SMYD2: variants seen among roughly 807,000 people sequenced by gnomAD.
SMYD2 encodes the protein N-lysine methyltransferase SMYD2.
Under a neutral mutation model 59.1 loss-of-function variants are expected in SMYD2, and 53 were observed. The observed-to-expected ratio is 0.90, with a 90% CI of 0.72 to 1.13. The LOEUF (loss-of-function observed/expected upper bound fraction) is 1.13. Ranked by LOEUF, SMYD2 falls within the 50% of genes most tolerant of loss-of-function variation. SMYD2 has a pLI of 0.00. For missense variants in SMYD2, 494 were observed against 544.7 expected (o/e 0.91, Z 0.93); for synonymous variants, 208 against 198.8 (o/e 1.05, Z -0.39).
chr1:214,328,428 C>T (rs1164451071), intron 7 of SMYD2, among the ~76,000 whole-genome samples: 1 of 151,494 alleles, frequency 6.6e-6, no homozygotes, highest in Admixed American at 6.6e-5. Flanking sequence ...ACCTGCTCAG[C>T]GATTCCCTGT....
At chr1:214,297,929 C>T (rs957047056) in intron 1 of SMYD2, among the ~76,000 whole-genome samples, 1 of 152,018 alleles carries the variant, frequency 6.6e-6, no homozygotes, top group African/African-American at 2.4e-5. Flanking sequence ...AAAAACATTC[C>T]ATTCTCATGG....
chr1:214,281,274 G>A lies in SMYD2; in HGVS notation c.20G>A (p.Gly7Asp). The A allele has an allele frequency of 7.8e-7, 1 of 1,290,186 alleles. No individual in the cohort carries two copies. The highest frequency in any genetic ancestry group is 9.9e-7 in the Non-Finnish European group (1 of 1,011,268). 79.9% of individuals were successfully genotyped at this position (1,290,186 alleles called of 1,614,324 possible). The change falls in exon 1 of 12, where the codon GGC (glycine) becomes GAC (aspartate). Residue 7 changes from glycine to aspartate, a missense_variant. Physicochemically the swap from Gly to Asp is moderately conservative, Grantham distance 94. Transcript: ENST00000366957. MRAEGL[G>D]GLERFCSPGK... ...GCCACCATGAGGGCCGAGGGCCTCGGCGGCCTGGAGCGCTTCTGCAGCCCG... is the reference window on the plus strand; with the variant it reads ...GCCACCATGAGGGCCGAGGGCCTCGACGGCCTGGAGCGCTTCTGCAGCCCG...
intron 1 of SMYD2, among the ~76,000 whole-genome samples, chr1:214,293,404 C>T (rs1162724351): frequency 6.6e-6 from 1 of 152,024 alleles, no homozygotes; most frequent in African/African-American, 2.4e-5. Context: ...TTTTATTTAT[C>T]GACTTGTTTG....
intron 1 of SMYD2, among the ~76,000 whole-genome samples, chr1:214,299,502 A>T (rs771219670): frequency 3.1e-5 from 4 of 129,208 alleles, no homozygotes; most frequent in Non-Finnish European, 6.7e-5. Context: ...AATACTATGC[A>T]GTCATAAAAA....
chr1:214,313,905 A>G (rs1191591771), intron 2 of SMYD2, among the ~76,000 whole-genome samples: 2 of 152,146 alleles, frequency 1.3e-5, no homozygotes, highest in Non-Finnish European at 2.9e-5. Context: ...TAGGCCAGGC[A>G]CGGTGGCTCA....
At chr1:214,311,387 C>T (rs967899667) in intron 2 of SMYD2, among the ~76,000 whole-genome samples, 3 of 152,208 alleles carry the variant, frequency 2.0e-5, no homozygotes, top group Non-Finnish European at 4.4e-5. Flanking sequence ...ATCTGATTAT[C>T]ACTGTTGGAA....
At chr1:214,296,187 G>T (rs187666408) in intron 1 of SMYD2, among the ~76,000 whole-genome samples, 7 of 152,226 alleles carry the variant, frequency 4.6e-5, no homozygotes, top group African/African-American at 1.7e-4. Flanking sequence ...CAGCACCTGC[G>T]GCAACGCATT....
intron 1 of SMYD2, among the ~76,000 whole-genome samples, chr1:214,290,880 G>C (rs960604005): frequency 1.3e-5 from 2 of 152,158 alleles, no homozygotes; most frequent in East Asian, 3.8e-4. Flanking sequence ...TTTTTGATGA[G>C]ATGGGGATTT....
intron 1 of SMYD2, among the ~76,000 whole-genome samples, chr1:214,283,992 G>C (rs1359589705): frequency 2.0e-5 from 3 of 152,144 alleles, no homozygotes; most frequent in Non-Finnish European, 4.4e-5. Flanking sequence ...AACAGAATGG[G>C]ATTCTTACGG....
chr1:214,323,408 A>G (rs1290495174), intron 5 of SMYD2, among the ~76,000 whole-genome samples: 1 of 152,110 alleles, frequency 6.6e-6, no homozygotes, highest in Non-Finnish European at 1.5e-5. Flanking sequence ...GAATGGTGAA[A>G]GTTGCCCTTG....
At chr1:214,296,109 A>G (rs2102457741) in intron 1 of SMYD2, among the ~76,000 whole-genome samples, 1 of 152,380 alleles carries the variant, frequency 6.6e-6, no homozygotes, top group Middle Eastern at 3.4e-3. Context: ...GGTGAAACCC[A>G]CTAAGCATTC....
intron 1 of SMYD2, among the ~76,000 whole-genome samples, chr1:214,302,139 C>T (rs532578284): frequency 2.0e-5 from 3 of 151,910 alleles, no homozygotes; most frequent in Non-Finnish European, 4.4e-5. Context: ...GTCAGGAGTT[C>T]GAGACCATCC....
intron 1 of SMYD2, among the ~76,000 whole-genome samples, chr1:214,292,164 G>T (rs1202241949): frequency 6.6e-6 from 1 of 151,738 alleles, no homozygotes. Flanking sequence ...ATCTGAGGAC[G>T]CCCCTGATAG....
At chr1:214,307,766 A>G (rs953266380) in intron 2 of SMYD2, among the ~76,000 whole-genome samples, 6 of 152,156 alleles carry the variant, frequency 3.9e-5, no homozygotes, top group African/African-American at 1.4e-4. Flanking sequence ...AGATTCGCAG[A>G]CCCAGAGACC....
chr1:214,291,370 C>T (rs979571809), intron 1 of SMYD2, among the ~76,000 whole-genome samples: 2 of 152,192 alleles, frequency 1.3e-5, no homozygotes, highest in African/African-American at 4.8e-5. Flanking sequence ...TGTTGGGACT[C>T]AGAAAATGAT....
At chr1:214,284,067 G>C (rs1656491281) in intron 1 of SMYD2, among the ~76,000 whole-genome samples, 4 of 152,048 alleles carry the variant, frequency 2.6e-5, no homozygotes, top group Admixed American at 2.6e-4. Flanking sequence ...TTCTCAGTCT[G>C]GTGGGTGCCA....
chr1:214,302,797 G>T (rs1656847146), intron 1 of SMYD2, among the ~76,000 whole-genome samples: 1 of 152,136 alleles, frequency 6.6e-6, no homozygotes, highest in South Asian at 2.1e-4. Flanking sequence ...ACAAGTGTTG[G>T]TTTCAGGTTA....
chr1:214,306,843 G>A (rs775798995), intron 2 of SMYD2, among the ~76,000 whole-genome samples: 1 of 152,198 alleles, frequency 6.6e-6, no homozygotes, highest in East Asian at 1.9e-4. Flanking sequence ...CCCAGGAGCA[G>A]GTCCTGGCTC....
intron 1 of SMYD2, among the ~76,000 whole-genome samples, chr1:214,287,543 C>T (rs899851372): frequency 1.6e-4 from 22 of 135,158 alleles, no homozygotes; most frequent in African/African-American, 2.5e-4. Flanking sequence ...GTTGAGAGTG[C>T]GCCACTGTAC....
Sources: gnomAD v4.1 joint callset for allele counts (sites outside exome capture counted in the v4.1 genomes callset) on GRCh38, gnomAD v4.1.1 for gene constraint, MANE v1.5 for transcripts, NCBI Gene and HGNC (gene_info 2026-07-23, HGNC 2026-07-21) for gene names.